Variants in RGS6 observed in about 807,000 individuals in gnomAD.
RGS6 encodes regulator of G protein signaling 6.
Under a neutral mutation model 78.5 loss-of-function variants are expected in RGS6, and 30 were observed. That is an observed-to-expected ratio of 0.38 (90% CI 0.29 to 0.52). RGS6 has a LOEUF of 0.52. RGS6 is among the 20% of genes least tolerant of loss of function. RGS6 has a pLI of 0.85. For missense variants in RGS6, 495 were observed against 609.7 expected (o/e 0.81, Z 1.98); for synonymous variants, 206 against 206.0 (o/e 1.00, Z 0.00).
chr14:72,040,516 C>CT (rs1223073012), intron 2 of RGS6, among the ~76,000 whole-genome samples: 6 of 151,928 alleles, frequency 3.9e-5, no homozygotes, highest in African/African-American at 4.8e-5. Flanking sequence ...TGATGACTTA[C>CT]TTTTCTCTTG....
At chr14:72,373,162 A>G (rs1314895722) in intron 3 of RGS6, among the ~76,000 whole-genome samples, 1 of 152,192 alleles carries the variant, frequency 6.6e-6, no homozygotes, top group African/African-American at 2.4e-5. Context: ...ATAGAAGATA[A>G]AATGGGATTT....
intron 2 of RGS6, among the ~76,000 whole-genome samples, chr14:71,981,582 C>T (rs1174401404): frequency 2.0e-5 from 3 of 151,398 alleles, no homozygotes; most frequent in Admixed American, 1.3e-4. Context: ...GGGGGTGCCT[C>T]CCAGTTAGGC....
At chr14:72,100,631 C>T (rs2095509511) in intron 2 of RGS6, among the ~76,000 whole-genome samples, 1 of 152,200 alleles carries the variant, frequency 6.6e-6, no homozygotes, top group Non-Finnish European at 1.5e-5. Context: ...AAGATTACGA[C>T]AAGGAGCTCC....
intron 9 of RGS6, 75 bp downstream of exon 9, chr14:72,473,028 G>C: frequency 1.0e-6 from 1 of 1,004,896 alleles, no homozygotes; most frequent in Non-Finnish European, 1.4e-6. Context: ...AGAAAAGACC[G>C]TCTTTAGCCA....
chr14:72,592,419 T>TA, the RGS6 span, among the ~76,000 whole-genome samples: 2 of 152,216 alleles, frequency 1.3e-5, no homozygotes, highest in Admixed American at 6.5e-5. Flanking sequence ...GCAATTCCAT[T>TA]AAGACCAAAG....
At chr14:72,522,366 A>G (rs1414271898) in intron 15 of RGS6, among the ~76,000 whole-genome samples, 1 of 152,192 alleles carries the variant, frequency 6.6e-6, no homozygotes, top group Non-Finnish European at 1.5e-5. Context: ...GGCTTCAACA[A>G]TATGAAATTT....
chr14:71,968,569 G>T (rs757488646), intron 2 of RGS6, among the ~76,000 whole-genome samples: 68 of 152,190 alleles, frequency 4.5e-4, no homozygotes, highest in Non-Finnish European at 7.8e-4. Flanking sequence ...GTATAGAGAG[G>T]GTGAGTAACT....
chr14:72,380,449 A>G (rs1027971528), intron 3 of RGS6, among the ~76,000 whole-genome samples: 13 of 148,484 alleles, frequency 8.8e-5, no homozygotes, highest in Admixed American at 4.1e-4. Flanking sequence ...ATATGCAAGG[A>G]ACTCAAATAT....
At chr14:72,089,117 A>G (rs926167859) in intron 2 of RGS6, among the ~76,000 whole-genome samples, 3 of 152,240 alleles carry the variant, frequency 2.0e-5, no homozygotes, top group South Asian at 2.1e-4. Context: ...ATTAATTTTC[A>G]TAAAGAGAAC....
intron 2 of RGS6, among the ~76,000 whole-genome samples, chr14:72,247,880 C>T (rs1186261214): frequency 6.6e-6 from 1 of 152,202 alleles, no homozygotes; most frequent in Non-Finnish European, 1.5e-5. Flanking sequence ...AGCCCCTCAA[C>T]CTTGGACTTC....
chr14:72,620,720 T>C, the RGS6 span, among the ~76,000 whole-genome samples: 1 of 152,262 alleles, frequency 6.6e-6, no homozygotes, highest in Non-Finnish European at 1.5e-5. Context: ...ACAAAGTCTT[T>C]GCTAATCTAC....
chr14:72,592,303 G>T, the RGS6 span, among the ~76,000 whole-genome samples: 1 of 152,238 alleles, frequency 6.6e-6, no homozygotes, highest in African/African-American at 2.4e-5. Context: ...AAATTCACTG[G>T]TTCCCAAGAA....
intron 2 of RGS6, among the ~76,000 whole-genome samples, chr14:72,093,805 G>C (rs1253259509): frequency 6.6e-6 from 1 of 152,082 alleles, no homozygotes; most frequent in African/African-American, 2.4e-5. Flanking sequence ...TACTTGGGGA[G>C]AGGAATTTTG....
At chr14:72,474,747 C>T (rs1193523885) in intron 10 of RGS6, 48 bp downstream of exon 10, 2 of 1,440,150 alleles carry the variant, frequency 1.4e-6, no homozygotes, top group Non-Finnish European at 9.7e-7. Flanking sequence ...AATAGCCCTT[C>T]CAGTTCTAGT....
intron 16 of RGS6, chr14:72,537,513 C>G (rs2097266298): frequency 1.4e-6 from 1 of 702,360 alleles, no homozygotes; most frequent in East Asian, 2.7e-5. Context: ...CATCCCTCCC[C>G]ACAGGTGTGG....
intron 3 of RGS6, among the ~76,000 whole-genome samples, chr14:72,419,688 A>G (rs2094057851): frequency 1.3e-5 from 2 of 152,198 alleles, no homozygotes; most frequent in Admixed American, 6.5e-5. Context: ...GGCTGTTGCA[A>G]AAAGGCTCCT....
chr14:72,627,373 AC>A, the RGS6 span, among the ~76,000 whole-genome samples: 1 of 152,042 alleles, frequency 6.6e-6, no homozygotes, highest in Non-Finnish European at 1.5e-5. Flanking sequence ...TCAAATGGCT[AC>A]CCCATTGTCC....
chr14:72,465,916 C>G, intron 7 of RGS6, 94 bp downstream of exon 7: 1 of 992,366 alleles, frequency 1.0e-6, no homozygotes, highest in Non-Finnish European at 1.5e-6. Context: ...TTTTGTCCCC[C>G]TTTTGTCCCT....
intron 2 of RGS6, among the ~76,000 whole-genome samples, chr14:72,337,477 ACTTACAAC>A (rs1159726541): frequency 1.3e-5 from 2 of 151,938 alleles, no homozygotes; most frequent in African/African-American, 4.8e-5. Context: ...TTCTCCCTCT[ACTTACAAC>A]CTTGCCCTCT....
Sources: gnomAD v4.1 joint callset for allele counts (sites outside exome capture counted in the v4.1 genomes callset) on GRCh38, gnomAD v4.1.1 for gene constraint, MANE v1.5 for transcripts, NCBI Gene and HGNC (gene_info 2026-07-23, HGNC 2026-07-21) for gene names.